MYO15A: variants seen among roughly 807,000 people sequenced by gnomAD.
MYO15A encodes the protein myosin XVA.
A neutral mutation model predicts 394.6 loss-of-function variants in MYO15A; 308 were observed. The observed-to-expected ratio is 0.78, with a 90% confidence interval of 0.71 to 0.86. The LOEUF (loss-of-function observed/expected upper bound fraction) is 0.86, where lower values mean the gene tolerates loss of function less well. Ranked by LOEUF, MYO15A falls within the 40% of genes least tolerant of loss-of-function variation. The pLI is 0.00. For synonymous variants in MYO15A, 1,957 were observed against 2,003.8 expected, an observed-to-expected ratio of 0.98 and a Z score of 0.62; for missense variants, 4,606 against 4,799.1, an observed-to-expected ratio of 0.96 and a Z score of 1.19.
At chr17:18,137,093 C>T (rs897671380) in intron 15 of MYO15A, among the ~76,000 whole-genome samples, 1 of 152,118 alleles carries the variant, frequency 6.6e-6, no homozygotes, top group Non-Finnish European at 1.5e-5. Flanking sequence ...GACTGGACTT[C>T]GTGTGTTGGG....
At position 18,131,467 on chromosome 17, in the gene MYO15A, G is replaced by A. The variant is rs573586512; in HGVS notation, c.4143-1G>A. ...AGAGCTGACTGTGCTCCCCACCCCA[G>A]GGGCGTGATCTCTGGTGCCATAACC... On this transcript the variant is annotated splice_acceptor_variant, in intron 9 of 65. Transcript: ENST00000647165. LOFTEE classifies it high-confidence loss of function. 1 of 1,613,848 alleles carries A rather than the reference G, an allele frequency of 6.2e-7. No homozygotes were observed. The highest frequency in any genetic ancestry group is 2.2e-5 in the East Asian group (1 of 44,832).
Position 18,178,833 on chromosome 17 carries a change from G to A in MYO15A, c.10556G>A (p.Arg3519Gln), listed in dbSNP as rs374002949. The change falls in exon 66 of 66, where the codon CGG (arginine) becomes CAG (glutamine). Residue 3519 changes from arginine (R) to glutamine (Q), a missense_variant. By Grantham distance (43) the Arg-to-Gln change is conservative. Transcript: ENST00000647165. ...VENLLSAHEK[R>Q]LTLPPSEITL... ...AACCTGCTCAGTGCCCATGAGAAGCGGCTCACATTGCCCCCCAGCGAGATC... is the reference window on the plus strand; with the variant it reads ...AACCTGCTCAGTGCCCATGAGAAGCAGCTCACATTGCCCCCCAGCGAGATC... 4.0e-5 allele frequency: 64 copies of A among 1,613,660 alleles called. 1 individual carries two copies. Among genetic ancestry groups the A allele is most frequent in the African/African-American group, 3.3e-4 (25 of 74,870 alleles).
chr17:18,135,038 C>T (rs1434551325), intron 12 of MYO15A, among the ~76,000 whole-genome samples: 1 of 152,066 alleles, frequency 6.6e-6, no homozygotes, highest in Non-Finnish European at 1.5e-5. Context: ...GGTCCCATGC[C>T]CAGCACATTT....
At chr17:18,127,223 C>G in intron 7 of MYO15A, 58 bp downstream of exon 7, 2 of 1,581,234 alleles carry the variant, frequency 1.3e-6, no homozygotes, top group Non-Finnish European at 1.7e-6. Context: ...AAGCACACCT[C>G]ATGTACTCCC....
At chr17:18,144,198 G>C (rs891102169) in intron 28 of MYO15A, among the ~76,000 whole-genome samples, 198 bp downstream of exon 28, 1 of 152,216 alleles carries the variant, frequency 6.6e-6, no homozygotes, top group African/African-American at 2.4e-5. Flanking sequence ...GGCTCGGGCA[G>C]GGCTGTTTAC....
rs1295010755 is a variant in MYO15A at position 18,152,187 on chromosome 17, G to A, written c.7966+3G>A. 6 of 1,549,390 alleles carry A rather than the reference G, an allele frequency of 3.9e-6. No homozygotes were observed. Among genetic ancestry groups the A allele is most frequent in the Non-Finnish European group, 5.2e-6 (6 of 1,146,996 alleles). ...GCCATCCATGGCACCCACTTCAGGT[G>A]AGAGGGCCAGGAGGGAGGGAGGGGA... is the stretch of plus-strand genomic sequence containing the variant. On this transcript the variant is annotated splice_donor_region_variant and intron_variant, in intron 42 of 65. Coordinates refer to ENST00000647165, the MANE Select transcript of MYO15A (RefSeq NM_016239.4).
In MYO15A at chr17:18,173,910, C is replaced by A; in HGVS notation, c.10480C>A (p.Gln3494Lys). The change falls in exon 65 of 66, where the codon CAG (glutamine) becomes AAG (lysine). Residue 3494 changes from glutamine (Q) to lysine (K), a missense_variant. Around this residue, in one of 2 missense-constraint regions of MYO15A, gnomAD observed 2,776 missense variants for 3,109.3 expected, o/e 0.89. Transcript: ENST00000647165. ...DVAAQRTLQL[Q>K]LEQGLELCRV... ...GGCGGCCCAGCGCACCTTGCAGCTG[C>A]AGCTGGAGCAGGTGGGCCCAGCGCT... 1 of 1,613,286 alleles carries A rather than the reference C, an allele frequency of 6.2e-7. No individual in the cohort carries two copies. Among genetic ancestry groups the A allele is most frequent in the Non-Finnish European group, 8.5e-7 (1 of 1,179,878 alleles).
chr17:18,163,231 C>T lies in MYO15A; in HGVS notation c.9613-13C>T, dbSNP rs368335921. On this transcript the variant is annotated splice_polypyrimidine_tract_variant and intron_variant, in intron 58 of 65. Coordinates refer to ENST00000647165, the MANE Select transcript of MYO15A (RefSeq NM_016239.4). ...ACCCAACCTGTCATCCCTCTCCCAC[C>T]TATCTACCCCAGGCAGGCCGCAGTT... is the stretch of plus-strand genomic sequence containing the variant. 71 of 1,613,870 alleles carry T rather than the reference C, an allele frequency of 4.4e-5. No individual in the cohort carries two copies. In the African/African-American group the frequency reaches 8.4e-4, roughly 19 times the overall value.
chr17:18,111,612 G>A (rs1028907374), intron 1 of MYO15A, among the ~76,000 whole-genome samples: 4 of 152,214 alleles, frequency 2.6e-5, no homozygotes, highest in Non-Finnish European at 4.4e-5. Context: ...CCAGAGAAGG[G>A]GCAGCCTCAG....
chr17:18,159,154 G>C (rs555358387), intron 53 of MYO15A, 121 bp from the exon 54 acceptor site: 6 of 1,388,856 alleles, frequency 4.3e-6, no homozygotes, highest in Non-Finnish European at 6.0e-6. Flanking sequence ...CCAGTGTTGG[G>C]CCTGGCTCCC....
rs2072652 is a variant in MYO15A, at chr17:18,140,503, C to G, written c.5212-14C>G. 1.2e-6 allele frequency: 2 copies of G among 1,613,180 alleles called. No homozygotes were observed. The highest frequency in any genetic ancestry group is 3.3e-5 in the Admixed American group (2 of 60,004). On this transcript the variant is annotated splice_polypyrimidine_tract_variant and intron_variant, in intron 19 of 65. Coordinates refer to ENST00000647165, the MANE Select transcript of MYO15A (RefSeq NM_016239.4). ...CCCTGCCTGTCTGTTTTCCCTGCCC[C>G]GACCCCTGCCCAGGTGGTGGCACAC...
At chr17:18,116,956 C>G (rs1040593351) in intron 1 of MYO15A, among the ~76,000 whole-genome samples, 22 of 152,110 alleles carry the variant, frequency 1.4e-4, no homozygotes, top group African/African-American at 5.3e-4. Context: ...AACATTGCCC[C>G]TGTCCTTCAT....
Position 18,119,984 on chromosome 17 carries a change from C to A in MYO15A, c.1184C>A (p.Pro395His). 1 of 1,613,780 alleles carries A rather than the reference C, an allele frequency of 6.2e-7. No homozygotes were observed. Among genetic ancestry groups the A allele is most frequent in the Non-Finnish European group, 8.5e-7 (1 of 1,180,024 alleles). ...GGTGGGGACGAGGCCATCTACCCCC[C>A]CGAGGTGCCCTATTTTTACCCGGAG... ...YGGGDEAIYP[P>H]EVPYFYPEES... The change falls in exon 2 of 66, where the codon CCC (proline) becomes CAC (histidine). Residue 395 changes from proline to histidine, a missense_variant. Pro to His is a moderately conservative substitution (Grantham distance 77). Transcript: ENST00000647165.
rs776772238 is a variant in MYO15A, at chr17:18,158,639, G to C, written c.9083+1G>C. 6.2e-7 allele frequency: 1 copy of C among 1,613,920 alleles called. No homozygotes were observed. Among genetic ancestry groups the C allele is most frequent in the Non-Finnish European group, 8.5e-7 (1 of 1,179,766 alleles). ...TCCGAGACCCTCAGAGGAGACCCCA[G>C]TGAGTGGCGGCCCCACCCCTCTTCC... On this transcript the variant is annotated splice_donor_variant, in intron 52 of 65. Coordinates refer to ENST00000647165, the MANE Select transcript of MYO15A (RefSeq NM_016239.4). LOFTEE classifies it high-confidence loss of function.
intron 7 of MYO15A, among the ~76,000 whole-genome samples, chr17:18,127,836 T>TATATAG (rs1555541567): frequency 1.5e-3 from 82 of 55,886 alleles, no homozygotes; most frequent in Non-Finnish European, 2.5e-3. Context: ...AAAAAAAAGA[T>TATATAG]ATATATATAT....
rs2046594455 is a variant in MYO15A, at chr17:18,152,109, C to T, written c.7894-3C>T. 1 of 1,551,542 alleles carries T rather than the reference C, an allele frequency of 6.4e-7. No homozygotes were observed. The highest frequency in any genetic ancestry group is 2.4e-5 in the East Asian group (1 of 40,952). Reference sequence around the variant, plus strand: ...CCTGAGCAGTCTCTTTGGGGTGGGACAGGTGTCCAGAGAGGCCGTGGCCCT... The same window carrying T: ...CCTGAGCAGTCTCTTTGGGGTGGGATAGGTGTCCAGAGAGGCCGTGGCCCT... On this transcript the variant is annotated splice_polypyrimidine_tract_variant and splice_region_variant and intron_variant, in intron 41 of 65. Coordinates refer to ENST00000647165, the MANE Select transcript of MYO15A (RefSeq NM_016239.4).
At chr17:18,156,805 T>TTCCACCCAGAATGCCCTTCCC in intron 48 of MYO15A, 149 bp from the exon 49 acceptor site, 1 of 748,502 alleles carries the variant, frequency 1.3e-6, no homozygotes, top group Non-Finnish European at 2.4e-6. Context: ...CAGCCCTTTC[T>TTCCACCCAGAATGCCCTTCCC]TCCACCCAGA....
At position 18,155,414 on chromosome 17, in the gene MYO15A, G is replaced by A. The variant is rs148595690; in HGVS notation, c.8441G>A (p.Arg2814Gln). The change falls in exon 47 of 66, where the codon CGG becomes CAG. Residue 2814 changes from arginine (R) to glutamine (Q), a missense_variant. Physicochemically the swap from Arg to Gln is conservative, Grantham distance 43 (BLOSUM62 1). Around this residue, in one of 2 missense-constraint regions of MYO15A, gnomAD observed 2,776 missense variants for 3,109.3 expected, o/e 0.89. Coordinates refer to ENST00000647165, the MANE Select transcript of MYO15A (RefSeq NM_016239.4). Reference sequence around the variant, plus strand: ...GGCCAGGAGGCCGGCGGGCAGCTGCGGGTCCTGCGTGCATACAGGTGACCA... The same window carrying A: ...GGCCAGGAGGCCGGCGGGCAGCTGCAGGTCCTGCGTGCATACAGGTGACCA... The part of the protein sequence containing the change: ...KGGQEAGGQL[R>Q]VLRAYSFADI... 1.9e-4 allele frequency: 313 copies of A among 1,613,338 alleles called. No homozygotes were observed. The African/African-American group carries it at 3.7e-3, about 19-fold the overall frequency.
rs854777 is a variant in MYO15A, at chr17:18,143,584, T to C, written c.5929T>C (p.Cys1977Arg). ...TCTGAAGCTGAGGGCAGAGTGGAGG[T>C]GCCAGGTGGAGGGGGCGCTGCTGTG... ...RYLKLRAEWR[C>R]QVEGALLWEQ... Residue 1977 changes from cysteine (C) to arginine (R), a missense_variant, in exon 26 of 66, where the codon TGC (cysteine) becomes CGC (arginine). By Grantham distance (180) the Cys-to-Arg change is radical (BLOSUM62 -3). This residue lies in a region of MYO15A where 2,776 missense variants were observed against 3,109.3 expected (regional missense o/e 0.89). Transcript: ENST00000647165. 1,166,423 of 1,561,122 alleles carry C rather than the reference T, an allele frequency of 0.75. 438,543 individuals carry two copies. The highest frequency in any genetic ancestry group is 0.88 in the African/African-American group (64,934 of 73,732).
Sources: allele counts gnomAD v4.1 joint callset (sites outside exome capture counted in the v4.1 genomes callset), GRCh38; gene constraint gnomAD v4.1.1; regional missense constraint gnomAD v4.1.1; transcripts MANE v1.5; gene names NCBI Gene and HGNC (gene_info 2026-07-23, HGNC 2026-07-21).